The following ZFAND3 variants were observed in gnomAD, a reference collection of about 807,000 sequenced individuals.
ZFAND3 encodes the protein AN1-type zinc finger protein 3.
Under a neutral mutation model 29.6 loss-of-function variants are expected in ZFAND3, and 10 were observed. The ratio of observed to expected loss-of-function variants is 0.34; its 90% CI spans 0.21 to 0.57. The LOEUF is 0.57. ZFAND3 is among the 20% of genes least tolerant of loss of function. ZFAND3 has a pLI of 0.86. For synonymous variants in ZFAND3, 128 were observed against 112.6 expected (o/e 1.14, Z -0.87); for missense variants, 230 against 304.5 (o/e 0.76, Z 1.82).
chr6:37,953,495 G>T (rs1180276762), intron 2 of ZFAND3, among the ~76,000 whole-genome samples: 2 of 121,848 alleles, frequency 1.6e-5, no homozygotes, highest in African/African-American at 3.2e-5. Flanking sequence ...CTCTCTTGCT[G>T]AGGCTGGAGT....
intron 1 of ZFAND3, among the ~76,000 whole-genome samples, chr6:37,850,540 A>G (rs986575665): frequency 2.0e-5 from 3 of 152,114 alleles, no homozygotes; most frequent in East Asian, 1.9e-4. Context: ...TACCATTGCT[A>G]TGTTTAGATA....
chr6:37,990,811 A>G (rs1018234197), intron 2 of ZFAND3, among the ~76,000 whole-genome samples: 20 of 152,168 alleles, frequency 1.3e-4, no homozygotes, highest in African/African-American at 4.8e-4. Flanking sequence ...GCTGTTTCAC[A>G]TGGTACCAGT....
intron 5 of ZFAND3, among the ~76,000 whole-genome samples, chr6:38,121,155 A>T (rs1562007058): frequency 6.6e-6 from 1 of 152,206 alleles, no homozygotes; most frequent in East Asian, 1.9e-4. Flanking sequence ...GGAGTTCAAA[A>T]CCAGCTTGTT....
chr6:38,107,025 AAGAATTTT>A (rs1372083705), intron 4 of ZFAND3, among the ~76,000 whole-genome samples: 65 of 152,320 alleles, frequency 4.3e-4, no homozygotes, highest in African/African-American at 1.2e-3. Flanking sequence ...GGTTTAAAAT[AAGAATTTT>A]AGAGAATTGA....
chr6:37,835,838 A>G (rs1211872445), intron 1 of ZFAND3, among the ~76,000 whole-genome samples: 3 of 152,186 alleles, frequency 2.0e-5, no homozygotes, highest in Non-Finnish European at 2.9e-5. Context: ...AAATGAGCAT[A>G]TACATTTCTA....
intron 5 of ZFAND3, among the ~76,000 whole-genome samples, chr6:38,140,258 A>G (rs1765922433): frequency 1.3e-5 from 2 of 152,232 alleles, no homozygotes; most frequent in South Asian, 4.1e-4. Context: ...CATAGTTAGA[A>G]TTTTAACCTT....
chr6:37,877,146 T>G (rs965273310), intron 1 of ZFAND3, among the ~76,000 whole-genome samples: 1 of 152,218 alleles, frequency 6.6e-6, no homozygotes, highest in Non-Finnish European at 1.5e-5. Flanking sequence ...TGGGAATCAA[T>G]AAAGTGGGTG....
intron 2 of ZFAND3, chr6:38,003,247 C>T (rs1762981695): frequency 1.3e-5 from 2 of 153,530 alleles, no homozygotes; most frequent in South Asian, 4.1e-4. Context: ...TGCCATTCTT[C>T]CACATGCTGA....
At chr6:37,935,917 A>G (rs1413651884) in intron 2 of ZFAND3, among the ~76,000 whole-genome samples, 1 of 152,234 alleles carries the variant, frequency 6.6e-6, no homozygotes, top group Admixed American at 6.5e-5. Flanking sequence ...ATACATATGA[A>G]AAGTCAAGCA....
chr6:37,859,979 C>T (rs539929630), intron 1 of ZFAND3, among the ~76,000 whole-genome samples: 83 of 149,122 alleles, frequency 5.6e-4, no homozygotes, highest in Non-Finnish European at 9.6e-4. Context: ...TTGAGTGATT[C>T]TCCTGCCTCA....
At chr6:38,083,871 T>G (rs1417234767) in intron 4 of ZFAND3, among the ~76,000 whole-genome samples, 1 of 152,162 alleles carries the variant, frequency 6.6e-6, no homozygotes, top group Admixed American at 6.6e-5. Flanking sequence ...TATACTATTT[T>G]GTGTATCTAA....
rs189901359 is a variant in ZFAND3, at chr6:37,874,265, C to T, written c.71+54249C>T. 3.9e-3 allele frequency among the ~76,000 whole-genome samples: 591 copies of T among 152,274 alleles called. 1 individual carries two copies. Among genetic ancestry groups the T allele is most frequent in the Non-Finnish European group, 5.3e-3 (358 of 68,016 alleles). ...ACGTGGTGGCTCACGCCTGTAATCC[C>T]AGCACTTTGGGAGGCCAAAGCAGGC... On this transcript the variant is annotated intron_variant, in intron 1 of 5. Coordinates refer to ENST00000287218, the MANE Select transcript of ZFAND3 (RefSeq NM_021943.3).
intron 2 of ZFAND3, among the ~76,000 whole-genome samples, chr6:38,022,387 A>G (rs542540953): frequency 1.7e-4 from 26 of 152,354 alleles, no homozygotes; most frequent in South Asian, 8.3e-4. Context: ...TAGCAGTGCC[A>G]TGTTTTTTGA....
At chr6:37,843,938 G>A (rs1270104989) in intron 1 of ZFAND3, among the ~76,000 whole-genome samples, 2 of 151,718 alleles carry the variant, frequency 1.3e-5, no homozygotes. Context: ...TTTTTGGGGG[G>A]ACAGAGTCTC....
In ZFAND3 at chr6:37,927,216, T is replaced by C. The variant is rs114407844; in HGVS notation, c.72-2743T>C. Among the ~76,000 whole-genome samples the C allele has an allele frequency of 9.3e-3, 1,410 of 152,328 alleles. 19 individuals are homozygous for C. Among genetic ancestry groups the C allele is most frequent in the African/African-American group, 0.032 (1,312 of 41,568 alleles). The stretch of plus-strand genomic sequence containing the variant: ...AAGGGACTCTGAGAAAAAGGCCATT[T>C]TGCCATTTTTTTAAACCAGGTTTCT... On this transcript the variant is annotated intron_variant, in intron 1 of 5. Transcript: ENST00000287218.
At chr6:38,035,737 C>A (rs1278116361) in intron 2 of ZFAND3, among the ~76,000 whole-genome samples, 1 of 152,154 alleles carries the variant, frequency 6.6e-6, no homozygotes, top group Non-Finnish European at 1.5e-5. Context: ...CAGATTCTAT[C>A]TCATATCCAT....
rs546889209 is a variant in ZFAND3, at chr6:38,042,404, C to G, written c.113-19189C>G. Among the ~76,000 whole-genome samples, 125 of 151,586 alleles carry G rather than the reference C, an allele frequency of 8.2e-4. 1 individual carries two copies. The highest frequency in any genetic ancestry group is 1.5e-3 in the Non-Finnish European group (99 of 67,908). On this transcript the variant is annotated intron_variant, in intron 2 of 5. Transcript: ENST00000287218. The stretch of plus-strand genomic sequence containing the variant: ...ATCTCGGCTCACTGCAACTCCACCT[C>G]CCGGGTTCAAGCAATTCTCCTGCTT...
intron 1 of ZFAND3, among the ~76,000 whole-genome samples, chr6:37,908,574 T>C (rs919715100): frequency 1.9e-5 from 2 of 106,798 alleles, no homozygotes; most frequent in African/African-American, 6.4e-5. Context: ...AAAAAGAAAA[T>C]AATTAGGGAG....
At chr6:37,879,265 C>A (rs909241258) in intron 1 of ZFAND3, among the ~76,000 whole-genome samples, 2 of 152,108 alleles carry the variant, frequency 1.3e-5, no homozygotes, top group African/African-American at 4.8e-5. Flanking sequence ...AATATCACTT[C>A]TTTGGTCCAG....
Sources: allele counts gnomAD v4.1 joint callset (sites outside exome capture counted in the v4.1 genomes callset), GRCh38; gene constraint gnomAD v4.1.1; transcripts MANE v1.5; gene names NCBI Gene and HGNC (gene_info 2026-07-23, HGNC 2026-07-21).